Variants in MTHFSD observed in about 807,000 individuals in gnomAD.
MTHFSD encodes methenyltetrahydrofolate synthase domain-containing protein.
In MTHFSD, 37 loss-of-function variants were observed where a neutral mutation model predicts 31.1. The ratio of observed to expected loss-of-function variants is 1.19; its 90% CI spans 0.91 to 1.56. The LOEUF (loss-of-function observed/expected upper bound fraction) is 1.56. Among genes scored for constraint, MTHFSD ranks in the 40% most tolerant of loss-of-function variants. The pLI, the probability that MTHFSD is intolerant of heterozygous loss-of-function variation, is 0.00. For synonymous variants in MTHFSD, 221 were observed against 206.9 expected (o/e 1.07, Z -0.59); for missense variants, 664 against 510.1 (o/e 1.30, Z -2.91).
chr16:86,531,805 G>A lies in MTHFSD; in HGVS notation c.*206C>T. 1 of 421,304 alleles carries A rather than the reference G, an allele frequency of 2.4e-6. No homozygotes were observed. Among genetic ancestry groups the A allele is most frequent in the South Asian group, 7.1e-5 (1 of 13,996 alleles). The allele number at this position is 421,304 out of a possible 1,614,324, so 26.1% of individuals were successfully genotyped here. ...GGAGGCTGCAGTCTCTGCGCGCTGT[G>A]AGATGAACCGCAGGGCGGCTTCCCC... On this transcript the variant is annotated 3_prime_UTR_variant, in exon 8 of 8. Transcript: ENST00000360900. This position sits in a 1 kb window ranked among gnomAD's most constrained non-coding sequence, Gnocchi z 5.5.
chr16:86,552,383 A>T, intron 2 of MTHFSD: 1 of 1,039,492 alleles, frequency 9.6e-7, no homozygotes, highest in South Asian at 1.7e-5. Context: ...TCTCACCCAG[A>T]CAGGCACTAA....
At chr16:86,541,503 G>C (rs940248570) in intron 7 of MTHFSD, 194 bp downstream of exon 7, 62 of 776,502 alleles carry the variant, frequency 8.0e-5, no homozygotes, top group Non-Finnish European at 1.1e-4. Flanking sequence ...TCGAATCCCA[G>C]AGATCCATAC....
At chr16:86,543,669 T>C (rs1247243893) in intron 5 of MTHFSD, among the ~76,000 whole-genome samples, 1 of 152,164 alleles carries the variant, frequency 6.6e-6, no homozygotes, top group African/African-American at 2.4e-5. Context: ...CACCGTCCCT[T>C]CTGTGAATGC....
chr16:86,541,291 TA>T (rs34551811), intron 7 of MTHFSD: 68,612 of 763,354 alleles, frequency 0.09, 2 homozygotes, highest in South Asian at 0.15. Context: ...AGATCGTCAG[TA>T]AAAAAAAAAA....
At chr16:86,543,941 C>T (rs1304964804) in intron 5 of MTHFSD, among the ~76,000 whole-genome samples, 1 of 152,184 alleles carries the variant, frequency 6.6e-6, no homozygotes, top group Non-Finnish European at 1.5e-5. Flanking sequence ...TGGTGCATGC[C>T]AGGGATCTAG....
Position 86,546,541 on chromosome 16 carries a change from C to A in MTHFSD, c.442+18G>T, listed in dbSNP as rs775986306. On this transcript the variant is annotated intron_variant, in intron 5 of 7. Transcript: ENST00000360900. The stretch of plus-strand genomic sequence containing the variant: ...GGCAGAGCTGTCACACTCAAGGGTT[C>A]CCATCTGCTAGTCTTACCTTTTTCA... The A allele has an allele frequency of 2.5e-6, 4 of 1,610,476 alleles. No individual in the cohort carries two copies. Among genetic ancestry groups the A allele is most frequent in the Non-Finnish European group, 3.4e-6 (4 of 1,176,932 alleles).
At chr16:86,543,315 G>C (rs114631527) in intron 5 of MTHFSD, among the ~76,000 whole-genome samples, 1,752 of 152,272 alleles carry the variant, frequency 0.012, 25 homozygotes, top group African/African-American at 0.04. Flanking sequence ...CCGAAAGTGA[G>C]CGGCCCTTCT....
intron 2 of MTHFSD, among the ~76,000 whole-genome samples, 165 bp downstream of exon 2, chr16:86,554,480 C>G (rs1022287540): frequency 1.3e-5 from 2 of 152,208 alleles, no homozygotes; most frequent in Non-Finnish European, 2.9e-5. Context: ...AATGACGTCT[C>G]TAAATGCTAA....
intron 7 of MTHFSD, among the ~76,000 whole-genome samples, chr16:86,539,541 T>C (rs1439465230): frequency 6.6e-6 from 1 of 152,198 alleles, no homozygotes; most frequent in Non-Finnish European, 1.5e-5. Context: ...AAGTTACAGA[T>C]AGAGCTATGA....
At chr16:86,541,641 T>G in intron 7 of MTHFSD, 56 bp downstream of exon 7, 1 of 1,578,080 alleles carries the variant, frequency 6.3e-7, no homozygotes, top group Non-Finnish European at 8.6e-7. Context: ...AGAAAACACT[T>G]AAAAGAGGAG....
chr16:86,537,678 C>T (rs1173489831), intron 7 of MTHFSD, among the ~76,000 whole-genome samples: 5 of 152,208 alleles, frequency 3.3e-5, no homozygotes, highest in African/African-American at 1.2e-4. Flanking sequence ...TGTCCCAGGA[C>T]TGCTGCTCAC....
At position 86,555,065 on chromosome 16, in the gene MTHFSD, C is replaced by T. The variant is rs115749345; in HGVS notation, c.16+104G>A. The T allele has an allele frequency of 5.8e-3, 8,685 of 1,489,006 alleles. 430 individuals are homozygous for T. In the African/African-American group the frequency reaches 0.1, roughly 18 times the overall value. The allele number at this position is 1,489,006 out of a possible 1,614,324, so 92.2% of individuals were successfully genotyped here. On this transcript the variant is annotated intron_variant, in intron 1 of 7. Coordinates refer to ENST00000360900, the MANE Select transcript of MTHFSD (RefSeq NM_001159377.2). ...ACCTCCTCGGCCGCTTCCGGTGATT[C>T]TGCCCCATCCTCTGCCAGCCCCGGT...
intron 1 of MTHFSD, 85 bp downstream of exon 1, chr16:86,555,084 C>A: frequency 2.0e-6 from 3 of 1,509,924 alleles, no homozygotes; most frequent in South Asian, 1.2e-5. Flanking sequence ...CCTCTGCCAG[C>A]CCCGGTGGCC....
rs1054853036 is a variant in MTHFSD at position 86,530,252 on chromosome 16, T to C, written c.*1759A>G. On this transcript the variant is annotated 3_prime_UTR_variant, in exon 8 of 8. Coordinates refer to ENST00000360900, the MANE Select transcript of MTHFSD (RefSeq NM_001159377.2). ...TTTCTTACACGATGTTCCACAAATA[T>C]AAAAATGAGAAACTCTTTCAGATTA... 1.3e-5 allele frequency: 2 copies of C among 152,194 alleles called. No individual in the cohort carries two copies. The highest frequency in any genetic ancestry group is 2.9e-5 in the Non-Finnish European group (2 of 68,036). 9.4% of individuals were successfully genotyped at this position (152,194 alleles called of 1,614,324 possible).
At chr16:86,548,751 G>T (rs1972706136) in intron 3 of MTHFSD, among the ~76,000 whole-genome samples, 174 bp from the exon 4 acceptor site, 1 of 152,130 alleles carries the variant, frequency 6.6e-6, no homozygotes. Context: ...AATGTGTGGG[G>T]TCGATTTTTC....
At chr16:86,552,958 T>TGAA (rs1049313359) in intron 2 of MTHFSD, among the ~76,000 whole-genome samples, 4 of 151,926 alleles carry the variant, frequency 2.6e-5, no homozygotes, top group African/African-American at 9.7e-5. Flanking sequence ...TCAAAGATGA[T>TGAA]GAACTGCTGC....
At position 86,540,747 on chromosome 16, in the gene MTHFSD, A is replaced by T. The variant is rs1017785172; in HGVS notation, c.681+950T>A. 3.0e-6 allele frequency: 3 copies of T among 990,476 alleles called. No individual in the cohort carries two copies. In the African/African-American group the frequency reaches 5.2e-5, roughly 17 times the overall value. The allele number at this position is 990,476 out of a possible 1,614,324, so 61.4% of individuals were successfully genotyped here. On this transcript the variant is annotated intron_variant, in intron 7 of 7. Coordinates refer to ENST00000360900, the MANE Select transcript of MTHFSD (RefSeq NM_001159377.2). Reference sequence around the variant, plus strand: ...GGATATTTTCATTTCCTGGAAGAGCAGTGACCACCTTCTTTCCCAGTGCTC... The same window carrying T: ...GGATATTTTCATTTCCTGGAAGAGCTGTGACCACCTTCTTTCCCAGTGCTC...
chr16:86,538,000 G>T (rs77304861), intron 7 of MTHFSD, among the ~76,000 whole-genome samples: 4,620 of 152,322 alleles, frequency 0.03, 105 homozygotes, highest in Middle Eastern at 0.078. Flanking sequence ...CGGGTGAGAA[G>T]ATGTGTGTGA....
chr16:86,533,678 C>T (rs565280019), intron 7 of MTHFSD: 4 of 152,296 alleles, frequency 2.6e-5, no homozygotes, highest in African/African-American at 9.6e-5. Flanking sequence ...TTGTGAGGAG[C>T]TGGGGTTCCC....
Sources: allele counts gnomAD v4.1 joint callset (sites outside exome capture counted in the v4.1 genomes callset), GRCh38; gene constraint gnomAD v4.1.1; non-coding constraint Gnocchi (gnomAD v3.1); transcripts MANE v1.5; gene names NCBI Gene and HGNC (gene_info 2026-07-23, HGNC 2026-07-21).